GGA1: variants seen among roughly 807,000 people sequenced by gnomAD.
The protein encoded by GGA1 is ADP-ribosylation factor-binding protein GGA1.
Under a neutral mutation model 76.9 loss-of-function variants are expected in GGA1, and 18 were observed. The observed-to-expected ratio is 0.23, with a 90% confidence interval of 0.16 to 0.35. The LOEUF (loss-of-function observed/expected upper bound fraction) is 0.35. Ranked by LOEUF, GGA1 falls within the 10% of genes least tolerant of loss-of-function variation. The pLI is 1.00. For missense variants in GGA1, 755 were observed against 859.0 expected, an observed-to-expected ratio of 0.88 and a Z score of 1.51; for synonymous variants, 342 against 354.7, an observed-to-expected ratio of 0.96 and a Z score of 0.40.
At chr22:37,628,372 A>G (rs1931224110) in intron 11 of GGA1, among the ~76,000 whole-genome samples, 1 of 152,104 alleles carries the variant, frequency 6.6e-6, no homozygotes, top group Admixed American at 6.5e-5. Context: ...TGGTGTCTCC[A>G]TTTTACAGAT....
intron 1 of GGA1, chr22:37,613,964 C>T (rs1044993976): frequency 1.9e-6 from 1 of 524,376 alleles, no homozygotes; most frequent in African/African-American, 1.9e-5. Flanking sequence ...GGGCCCTGAC[C>T]ATAGTCTCTA....
Position 37,631,005 on chromosome 22 carries a change from C to T in GGA1, c.1434C>T (p.Thr478=), listed in dbSNP as rs150538799. The T allele has an allele frequency of 8.5e-4, 1,376 of 1,613,420 alleles. 10 individuals are homozygous for T. The African/African-American group carries it at 0.017, about 20-fold the overall frequency. The change falls in exon 14 of 17, where the codon ACC becomes ACT. Residue 478 remains threonine (T), a synonymous_variant. Coordinates refer to ENST00000343632, the MANE Select transcript of GGA1 (RefSeq NM_013365.5). The part of the protein sequence containing the change: ...PSSSATSLLH[T]VSPEPPRPPQ... ...CCAGCGCCACCAGCCTTCTCCACAC[C>T]GTGTCCCCAGAGCCCCCCAGGCCTC...
At chr22:37,614,121 C>G in intron 1 of GGA1, 69 bp from the exon 2 acceptor site, 7 of 1,061,514 alleles carry the variant, frequency 6.6e-6, no homozygotes, top group South Asian at 1.3e-5. Flanking sequence ...CACACCTTTG[C>G]CAGGGTCAGG....
chr22:37,629,369 AG>A lies in GGA1; in HGVS notation c.1094-90del, dbSNP rs1391465753. 7.3e-6 allele frequency: 6 copies of A among 826,840 alleles called. No individual in the cohort carries two copies. The African/African-American group carries it at 1.1e-4, about 15-fold the overall frequency. The allele number at this position is 826,840 out of a possible 1,614,324, so 51.2% of individuals were successfully genotyped here. A position where few individuals can be genotyped will look rare whatever the true frequency, so the allele number is the denominator to read the frequency against. On this transcript the variant is annotated intron_variant, in intron 11 of 16. Coordinates refer to ENST00000343632, the MANE Select transcript of GGA1 (RefSeq NM_013365.5). ...TCCGTGCTGAGCCTCAGAAAGGGGT[AG>A]GGAGCCCCATGCCAGCACACATGGC...
Position 37,614,278 on chromosome 22 carries a change from G to A in GGA1, c.128+4G>A, listed in dbSNP as rs1241284207. On this transcript the variant is annotated splice_donor_region_variant and intron_variant, in intron 2 of 16. Coordinates refer to ENST00000343632, the MANE Select transcript of GGA1 (RefSeq NM_013365.5). ...AGCTCAACGAGGACTTTGAGGGGTA[G>A]GTGGCCGTCCCCACTTGTTTGCACT... The A allele has an allele frequency of 3.1e-6, 5 of 1,606,752 alleles. No homozygotes were observed. Among genetic ancestry groups the A allele is most frequent in the Non-Finnish European group, 4.3e-6 (5 of 1,173,390 alleles).
chr22:37,614,082 C>T, intron 1 of GGA1, 108 bp from the exon 2 acceptor site: 1 of 777,992 alleles, frequency 1.3e-6, no homozygotes, highest in Non-Finnish European at 2.3e-6. Context: ...TTCCCACGTG[C>T]TCAGTCACAC....
chr22:37,626,017 C>CTTTTTTTT, intron 11 of GGA1, 68 bp downstream of exon 11: 1 of 1,326,046 alleles, frequency 7.5e-7, no homozygotes, highest in Non-Finnish European at 1.0e-6. Context: ...CCAGGGCCCA[C>CTTTTTTTT]TCACAGCTAG....
Position 37,625,446 on chromosome 22 carries a change from A to C in GGA1, c.941-351A>C, listed in dbSNP as rs555895653. 6.6e-6 allele frequency among the ~76,000 whole-genome samples: 1 copy of C among 152,306 alleles called. No homozygotes were observed. Among genetic ancestry groups the C allele is most frequent in the Admixed American group, 6.5e-5 (1 of 15,302 alleles). Reference sequence around the variant, plus strand: ...TACAGACTCAGGTCTAATAAGGGTAAGATGGCAGCCTTGGGGGGTCACAAA... The same window carrying C: ...TACAGACTCAGGTCTAATAAGGGTACGATGGCAGCCTTGGGGGGTCACAAA... On this transcript the variant is annotated intron_variant, in intron 10 of 16. Coordinates refer to ENST00000343632, the MANE Select transcript of GGA1 (RefSeq NM_013365.5). This position sits in a 1 kb window ranked among gnomAD's most constrained non-coding sequence, Gnocchi z 4.1.
At position 37,632,711 on chromosome 22, in the gene GGA1, G is replaced by A; in HGVS notation, c.1920G>A (p.Ter640=). 6.5e-7 allele frequency: 1 copy of A among 1,543,436 alleles called. No homozygotes were observed. The highest frequency in any genetic ancestry group is 8.9e-7 in the Non-Finnish European group (1 of 1,122,458). ...FPPPETWGSL[*] is the part of the protein sequence containing the mutation. ...CACCTGAAACCTGGGGTAGCCTCTA[G>A]AACAGAGGGGCTGGGGAGAGGAAGG... Residue 640 remains the stop codon, a stop_retained_variant, in exon 17 of 17, where the codon TAG becomes TAA. Coordinates refer to ENST00000343632, the MANE Select transcript of GGA1 (RefSeq NM_013365.5). This position sits in a 1 kb window ranked among gnomAD's most constrained non-coding sequence, Gnocchi z 5.1.
At chr22:37,621,570 C>T in intron 6 of GGA1, 46 bp from the exon 7 acceptor site, 2 of 1,300,500 alleles carry the variant, frequency 1.5e-6, no homozygotes, top group South Asian at 1.3e-5. Flanking sequence ...CTTCTGACCC[C>T]TGGCCCAGGT....
intron 3 of GGA1, chr22:37,617,560 G>A: frequency 4.1e-6 from 4 of 984,336 alleles, no homozygotes; most frequent in Non-Finnish European, 4.8e-6. Context: ...TTAGTTGGGT[G>A]CAGTGGCTTA....
chr22:37,632,654 C>T lies in GGA1; in HGVS notation c.1863C>T (p.Tyr621=), dbSNP rs1932028578. ...KLTFTMGDQT[Y]NEMGDVDQFP... Reference sequence around the variant, plus strand: ...CCTTCACCATGGGTGACCAGACCTACAACGAGATGGGGGATGTGGACCAGT... The same window carrying T: ...CCTTCACCATGGGTGACCAGACCTATAACGAGATGGGGGATGTGGACCAGT... The change falls in exon 17 of 17, where the codon TAC becomes TAT. Residue 621 remains tyrosine, a synonymous_variant. Transcript: ENST00000343632. This position sits in a 1 kb window ranked among gnomAD's most constrained non-coding sequence, Gnocchi z 5.1. 10 of 1,613,530 alleles carry T rather than the reference C, an allele frequency of 6.2e-6. No homozygotes were observed. The highest frequency in any genetic ancestry group is 1.3e-5 in the African/African-American group (1 of 75,030).
chr22:37,619,868 G>A (rs578072926), intron 4 of GGA1: 2 of 765,180 alleles, frequency 2.6e-6, no homozygotes, highest in African/African-American at 1.7e-5. Context: ...TAGGCCCAGG[G>A]CCTCCCAGTT....
Position 37,632,657 on chromosome 22 carries a change from C to T in GGA1, c.1866C>T (p.Asn622=), listed in dbSNP as rs113612442. ...LTFTMGDQTY[N]EMGDVDQFPP... ...TCACCATGGGTGACCAGACCTACAACGAGATGGGGGATGTGGACCAGTTCC... is the reference window on the plus strand; with the variant it reads ...TCACCATGGGTGACCAGACCTACAATGAGATGGGGGATGTGGACCAGTTCC... Residue 622 remains asparagine, a synonymous_variant, in exon 17 of 17, where the codon AAC becomes AAT. Transcript: ENST00000343632. This position sits in a 1 kb window ranked among gnomAD's most constrained non-coding sequence, Gnocchi z 5.1. The T allele has an allele frequency of 1.7e-4, 271 of 1,613,386 alleles. 3 individuals are homozygous for T. The African/African-American group carries it at 2.9e-3, about 17-fold the overall frequency.
chr22:37,628,119 C>T (rs1368901077), intron 11 of GGA1, among the ~76,000 whole-genome samples: 3 of 152,216 alleles, frequency 2.0e-5, no homozygotes, highest in African/African-American at 2.4e-5. Flanking sequence ...TGAGCCACTG[C>T]GCCCACCTCT....
chr22:37,619,963 TG>T lies in GGA1; in HGVS notation c.304-274del, dbSNP rs1189272138. ...AAGGCTAAGTCCCCAGAGCCGACTA[TG>T]AGCAGGCCTGTCCCTCATGTCAGTT... On this transcript the variant is annotated intron_variant, in intron 4 of 16. Transcript: ENST00000343632. 15 of 638,658 alleles carry T rather than the reference TG, an allele frequency of 2.3e-5. No homozygotes were observed. In the East Asian group the frequency reaches 4.1e-4, roughly 17 times the overall value. The allele number at this position is 638,658 out of a possible 1,614,324, so 39.6% of individuals were successfully genotyped here. A position where few individuals can be genotyped will look rare whatever the true frequency, so the allele number is the denominator to read the frequency against.
At chr22:37,617,728 G>T (rs1929076996) in intron 3 of GGA1, 5 of 804,316 alleles carry the variant, frequency 6.2e-6, no homozygotes, top group Non-Finnish European at 7.5e-6. Flanking sequence ...TTACATATTT[G>T]TTTTAACATT....
chr22:37,612,833 G>A, intron 1 of GGA1: 1 of 743,698 alleles, frequency 1.3e-6, no homozygotes, highest in Non-Finnish European at 1.6e-6. Flanking sequence ...TGGAGGTTCA[G>A]GGAAGCATGT....
chr22:37,611,881 G>A (rs1318276414), intron 1 of GGA1, among the ~76,000 whole-genome samples: 1 of 152,226 alleles, frequency 6.6e-6, no homozygotes, highest in African/African-American at 2.4e-5. Context: ...GTCAGGCACA[G>A]TGGCTCATGC....
Sources: gnomAD v4.1 joint callset for allele counts (sites outside exome capture counted in the v4.1 genomes callset) on GRCh38, gnomAD v4.1.1 for gene constraint, Gnocchi (gnomAD v3.1) non-coding constraint, MANE v1.5 for transcripts, NCBI Gene and HGNC (gene_info 2026-07-23, HGNC 2026-07-21) for gene names.